Variants in HDAC4 observed in about 807,000 individuals in gnomAD.
HDAC4 encodes histone deacetylase A.
A neutral mutation model predicts 135.1 loss-of-function variants in HDAC4; 16 were observed. That is an observed-to-expected ratio of 0.12 (90% CI 0.08 to 0.18). HDAC4 has a LOEUF of 0.18. HDAC4 is among the 10% of genes least tolerant of loss of function. The pLI, the probability that HDAC4 is intolerant of heterozygous loss-of-function variation, is 1.00. For missense variants in HDAC4, 1,143 were observed against 1,511.8 expected (o/e 0.76, Z 4.05); for synonymous variants, 685 against 653.4 (o/e 1.05, Z -0.74).
intron 2 of HDAC4, among the ~76,000 whole-genome samples, chr2:239,346,226 T>C (rs2125892263): frequency 6.7e-6 from 1 of 149,542 alleles, no homozygotes; most frequent in South Asian, 2.1e-4. Flanking sequence ...ACACATATCC[T>C]GTCTAAAACA....
intron 2 of HDAC4, among the ~76,000 whole-genome samples, chr2:239,250,334 C>G (rs562319143): frequency 6.6e-6 from 1 of 152,240 alleles, no homozygotes; most frequent in South Asian, 2.1e-4. Context: ...CGGTCTCTAA[C>G]CCTGCAGGTG....
At chr2:239,249,089 C>T (rs2048631545) in intron 2 of HDAC4, among the ~76,000 whole-genome samples, 1 of 152,164 alleles carries the variant, frequency 6.6e-6, no homozygotes, top group Non-Finnish European at 1.5e-5. Flanking sequence ...CCTGAGAGGG[C>T]CCTGTGAGGT....
intron 12 of HDAC4, among the ~76,000 whole-genome samples, chr2:239,122,170 A>G (rs2039751669): frequency 6.6e-6 from 1 of 152,212 alleles, no homozygotes; most frequent in Admixed American, 6.5e-5. Context: ...AAGTTTTCAT[A>G]TTCAAAACCG....
At chr2:239,072,329 C>T (rs1261412071) in intron 22 of HDAC4, among the ~76,000 whole-genome samples, 2 of 152,166 alleles carry the variant, frequency 1.3e-5, no homozygotes, top group Non-Finnish European at 2.9e-5. Flanking sequence ...TTTTAAAAGT[C>T]TCCTGGTATT....
chr2:239,359,078 GTT>G (rs924517056), intron 1 of HDAC4, among the ~76,000 whole-genome samples: 1 of 152,078 alleles, frequency 6.6e-6, no homozygotes, highest in African/African-American at 2.4e-5. Flanking sequence ...AAAAAAAAGT[GTT>G]TTCATATTGA....
intron 2 of HDAC4, among the ~76,000 whole-genome samples, chr2:239,322,155 C>T (rs1189469354): frequency 6.6e-6 from 1 of 152,212 alleles, no homozygotes; most frequent in East Asian, 1.9e-4. Flanking sequence ...AAGTTACACC[C>T]TATGCGAATG....
chr2:239,359,683 C>T (rs1182642481), intron 1 of HDAC4, among the ~76,000 whole-genome samples: 1 of 152,218 alleles, frequency 6.6e-6, no homozygotes. Flanking sequence ...TGGTCATTCC[C>T]TGGTGCCTCT....
chr2:239,278,061 C>T (rs1010007197), intron 2 of HDAC4, among the ~76,000 whole-genome samples: 3 of 145,210 alleles, frequency 2.1e-5, no homozygotes, highest in South Asian at 2.2e-4. Flanking sequence ...ACACTCCAGC[C>T]GCACACTCGG....
chr2:239,253,103 TCTC>T (rs1575531502), intron 2 of HDAC4, among the ~76,000 whole-genome samples: 1 of 152,180 alleles, frequency 6.6e-6, no homozygotes, highest in Non-Finnish European at 1.5e-5. Context: ...ATTTTCATCT[TCTC>T]CTAAGATATT....
At chr2:239,355,402 C>T (rs1034468364) in intron 1 of HDAC4, among the ~76,000 whole-genome samples, 1 of 152,154 alleles carries the variant, frequency 6.6e-6, no homozygotes, top group Non-Finnish European at 1.5e-5. Flanking sequence ...TGCTATTTTC[C>T]ACAATATCCA....
chr2:239,251,763 CATT>C (rs1391083666), intron 2 of HDAC4, among the ~76,000 whole-genome samples: 5 of 151,960 alleles, frequency 3.3e-5, no homozygotes, highest in Non-Finnish European at 7.4e-5. Flanking sequence ...ATAATCACAT[CATT>C]ATTATTTAAT....
chr2:239,102,034 G>A (rs1222383547), intron 16 of HDAC4, among the ~76,000 whole-genome samples: 4 of 108,074 alleles, frequency 3.7e-5, no homozygotes, highest in East Asian at 6.5e-4. Context: ...CCGGGTCCAC[G>A]TTCTGTGCCC....
intron 12 of HDAC4, among the ~76,000 whole-genome samples, chr2:239,122,770 TCA>T (rs1017385053): frequency 1.3e-4 from 20 of 152,224 alleles, no homozygotes; most frequent in Non-Finnish European, 2.5e-4. Flanking sequence ...TCTTTTTTAT[TCA>T]CAGTGATGTT....
intron 2 of HDAC4, among the ~76,000 whole-genome samples, chr2:239,282,250 ACAC>A (rs2050819095): frequency 1.7e-5 from 2 of 119,480 alleles, no homozygotes; most frequent in Admixed American, 1.6e-4. Context: ...TACAATGTAC[ACAC>A]CACTCTACAC....
chr2:239,092,854 T>G (rs950065862), intron 17 of HDAC4, among the ~76,000 whole-genome samples: 1 of 152,304 alleles, frequency 6.6e-6, no homozygotes, highest in Admixed American at 6.5e-5. Flanking sequence ...CGTTTCTTTT[T>G]TTTTTTGTTT....
At chr2:239,266,726 C>T (rs996360171) in intron 2 of HDAC4, among the ~76,000 whole-genome samples, 4 of 152,178 alleles carry the variant, frequency 2.6e-5, no homozygotes, top group African/African-American at 7.2e-5. Context: ...CCCAATGTCA[C>T]CATTTCCAGG....
chr2:239,102,454 A>G (rs2037754511), intron 16 of HDAC4, among the ~76,000 whole-genome samples: 1 of 151,994 alleles, frequency 6.6e-6, no homozygotes, highest in Non-Finnish European at 1.5e-5. Context: ...GCTCAAAACA[A>G]CTTCAGGCTC....
At chr2:239,180,926 C>T (rs1312626369) in intron 4 of HDAC4, among the ~76,000 whole-genome samples, 1 of 152,240 alleles carries the variant, frequency 6.6e-6, no homozygotes, top group Admixed American at 6.5e-5. Flanking sequence ...CAGCCTGCAG[C>T]CCACAGCCAG....
intron 3 of HDAC4, among the ~76,000 whole-genome samples, chr2:239,227,696 G>A (rs2047320162): frequency 1.3e-5 from 2 of 152,208 alleles, no homozygotes; most frequent in African/African-American, 4.8e-5. Flanking sequence ...TGCCTCGGGT[G>A]CGGAGGAACA....
Sources: allele counts gnomAD v4.1 joint callset (sites outside exome capture counted in the v4.1 genomes callset), GRCh38; gene constraint gnomAD v4.1.1; transcripts MANE v1.5; gene names NCBI Gene and HGNC (gene_info 2026-07-23, HGNC 2026-07-21).